Variants in ASIC2 observed in about 807,000 individuals in gnomAD.
The protein encoded by ASIC2 is acid sensing ion channel subunit 2, also known as acid-sensing ion channel 2.
Under a neutral mutation model 57.3 loss-of-function variants are expected in ASIC2, and 25 were observed. The ratio of observed to expected loss-of-function variants is 0.44; its 90% CI spans 0.32 to 0.61. The LOEUF (loss-of-function observed/expected upper bound fraction) is 0.61, where lower values mean the gene tolerates loss of function less well. ASIC2 is among the 20% of genes least tolerant of loss of function. The pLI is 0.06. For missense variants in ASIC2, 641 were observed against 738.1 expected (o/e 0.87, Z 1.52); for synonymous variants, 319 against 307.5 (o/e 1.04, Z -0.39).
At chr17:33,254,220 A>T (rs17248825) in intron 1 of ASIC2, among the ~76,000 whole-genome samples, 17,140 of 152,040 alleles carry the variant, frequency 0.11, 1,127 homozygotes, top group East Asian at 0.24. Context: ...AGGATGTTAA[A>T]CTCAAAAGGT....
chr17:33,144,817 G>A (rs1904489016), intron 1 of ASIC2, among the ~76,000 whole-genome samples: 1 of 152,134 alleles, frequency 6.6e-6, no homozygotes, highest in Non-Finnish European at 1.5e-5. Context: ...CATGTACCTA[G>A]ACCCCTACCC....
intron 1 of ASIC2, among the ~76,000 whole-genome samples, chr17:33,471,995 C>T (rs916561573): frequency 6.6e-6 from 1 of 150,394 alleles, no homozygotes; most frequent in Non-Finnish European, 1.5e-5. Flanking sequence ...AAATTTGAAC[C>T]CAGGAATTTA....
chr17:33,382,174 G>T (rs182304322), intron 1 of ASIC2, among the ~76,000 whole-genome samples: 8 of 152,246 alleles, frequency 5.3e-5, no homozygotes, highest in Admixed American at 1.3e-4. Flanking sequence ...ATTCTCAGCA[G>T]GTGGGCCTAA....
chr17:34,072,607 G>A (rs943983388), intron 1 of ASIC2, among the ~76,000 whole-genome samples: 2 of 152,170 alleles, frequency 1.3e-5, no homozygotes, highest in Admixed American at 6.5e-5. Flanking sequence ...TCTACCTAGA[G>A]ATGAATAAAA....
At chr17:33,530,068 G>A (rs186840752) in intron 1 of ASIC2, 1 of 152,340 alleles carries the variant, frequency 6.6e-6, no homozygotes, top group East Asian at 1.9e-4. Flanking sequence ...AGGCCATAAA[G>A]CGTTCCTTAG....
intron 1 of ASIC2, among the ~76,000 whole-genome samples, chr17:33,814,734 G>A (rs568131236): frequency 2.0e-5 from 3 of 152,288 alleles, no homozygotes; most frequent in African/African-American, 7.2e-5. Context: ...GTGTGCGACC[G>A]CATAATTATT....
chr17:33,929,956 A>C (rs1915896291), intron 1 of ASIC2, among the ~76,000 whole-genome samples: 1 of 152,214 alleles, frequency 6.6e-6, no homozygotes, highest in Admixed American at 6.5e-5. Flanking sequence ...CCACTTTGCT[A>C]ACTGGTGGTG....
chr17:33,436,850 C>CTTTTTTT lies in ASIC2; in HGVS notation c.556-324784_556-324783insAAAAAAA, dbSNP rs1244300127. 1.8e-4 allele frequency among the ~76,000 whole-genome samples: 14 copies of CTTTTTTT among 76,034 alleles called. 2 individuals carry two copies. Among genetic ancestry groups the CTTTTTTT allele is most frequent in the Admixed American group, 3.1e-4 (2 of 6,378 alleles). The allele number at this position is 76,034 out of a possible 152,430, so 49.9% of individuals were successfully genotyped here. The stretch of plus-strand genomic sequence containing the variant: ...TGCAATGCCTTAAAACACATTCCAA[C>CTTTTTTT]TTCTTTTTTTTTTTTTTTTTTTTTT... On this transcript the variant is annotated intron_variant, in intron 1 of 9. Coordinates refer to the ASIC2 transcript ENST00000359872.
chr17:34,068,199 G>A (rs146426851), intron 1 of ASIC2, among the ~76,000 whole-genome samples: 1 of 152,246 alleles, frequency 6.6e-6, no homozygotes, highest in African/African-American at 2.4e-5. Flanking sequence ...CGACACTAAG[G>A]TCTTTATGGG....
chr17:33,047,091 T>C (rs1410559798), intron 3 of ASIC2, among the ~76,000 whole-genome samples: 1 of 152,260 alleles, frequency 6.6e-6, no homozygotes, highest in Non-Finnish European at 1.5e-5. Flanking sequence ...ATAAAATTCA[T>C]CTTTTATTGT....
chr17:33,594,363 T>G (rs1904916935), intron 1 of ASIC2, among the ~76,000 whole-genome samples: 1 of 152,256 alleles, frequency 6.6e-6, no homozygotes, highest in African/African-American at 2.4e-5. Flanking sequence ...GGTGCAAGTC[T>G]GAAGTGAGAG....
intron 1 of ASIC2, among the ~76,000 whole-genome samples, chr17:33,219,480 C>T (rs1352709565): frequency 6.6e-6 from 1 of 152,208 alleles, no homozygotes; most frequent in African/African-American, 2.4e-5. Context: ...CTCCTTGAAG[C>T]CTTCCAACAA....
intron 1 of ASIC2, among the ~76,000 whole-genome samples, chr17:34,011,016 G>GAA: frequency 1.1e-3 from 2 of 1,892 alleles, no homozygotes; most frequent in African/African-American, 1.6e-3. Flanking sequence ...ACACACAGAT[G>GAA]CCAAAGTCAG....
chr17:33,698,846 G>A (rs1289197166), intron 1 of ASIC2, among the ~76,000 whole-genome samples: 2 of 152,154 alleles, frequency 1.3e-5, no homozygotes, highest in African/African-American at 4.8e-5. Flanking sequence ...TTTCCTGGGA[G>A]CATGGATAGG....
chr17:33,074,078 G>A (rs530194148), intron 3 of ASIC2, among the ~76,000 whole-genome samples: 9 of 152,148 alleles, frequency 5.9e-5, no homozygotes, highest in Non-Finnish European at 1.0e-4. Context: ...TCTAGCCTCC[G>A]AGGCTCTCTG....
chr17:33,267,574 G>C (rs968414012), intron 1 of ASIC2, among the ~76,000 whole-genome samples: 6 of 152,188 alleles, frequency 3.9e-5, no homozygotes, highest in African/African-American at 1.4e-4. Flanking sequence ...CTGCCTTCGG[G>C]AAACTTACAG....
chr17:33,580,198 T>TCC (rs1202167134), intron 1 of ASIC2: 3 of 152,094 alleles, frequency 2.0e-5, no homozygotes. Context: ...GAACTCAGAC[T>TCC]CCATTCAGAT....
At chr17:33,550,857 A>G (rs1915730648) in intron 1 of ASIC2, among the ~76,000 whole-genome samples, 1 of 152,198 alleles carries the variant, frequency 6.6e-6, no homozygotes. Context: ...AAGTGATAGT[A>G]GTGATGGTGG....
intron 1 of ASIC2, among the ~76,000 whole-genome samples, chr17:33,167,202 C>G (rs575797704): frequency 1.3e-5 from 2 of 152,144 alleles, no homozygotes; most frequent in Admixed American, 1.3e-4. Context: ...CCATCACCAG[C>G]CCCTGGTCCC....
Sources: allele counts gnomAD v4.1 joint callset (sites outside exome capture counted in the v4.1 genomes callset), GRCh38; gene constraint gnomAD v4.1.1; transcripts MANE v1.5; gene names NCBI Gene and HGNC (gene_info 2026-07-23, HGNC 2026-07-21).